The following MAF variants were observed in gnomAD, a reference collection of about 807,000 sequenced individuals.
The protein encoded by MAF is MAF bZIP transcription factor.
A neutral mutation model predicts 22.0 loss-of-function variants in MAF; 10 were observed. The observed-to-expected ratio is 0.45, with a 90% CI of 0.28 to 0.77. MAF has a LOEUF of 0.77. Among genes scored for constraint, MAF ranks in the 30% least tolerant of loss-of-function variants. MAF has a pLI of 0.12. For synonymous variants in MAF, 337 were observed against 255.8 expected (o/e 1.32, Z -3.03); for missense variants, 544 against 548.4 (o/e 0.99, Z 0.08).
the MAF span, among the ~76,000 whole-genome samples, chr16:79,374,659 A>G: frequency 6.6e-6 from 1 of 152,184 alleles, no homozygotes; most frequent in Non-Finnish European, 1.5e-5. Context: ...CCCAGGGGAG[A>G]CAGGTGCGTA....
chr16:79,586,817 T>A (rs116485613), intron 1 of MAF, among the ~76,000 whole-genome samples: 2,002 of 152,340 alleles, frequency 0.013, 43 homozygotes, highest in South Asian at 0.06. Context: ...TGTCAAAATA[T>A]ATTTAAAATC....
chr16:79,333,585 T>G, the MAF span, among the ~76,000 whole-genome samples: 1 of 152,220 alleles, frequency 6.6e-6, no homozygotes, highest in African/African-American at 2.4e-5. Flanking sequence ...AAAATTCTAT[T>G]AAAATTTGAT....
the MAF span, among the ~76,000 whole-genome samples, chr16:79,261,734 TGAG>T: frequency 3.3e-5 from 5 of 152,096 alleles, no homozygotes; most frequent in Admixed American, 2.0e-4. Flanking sequence ...GTTCAAAGAA[TGAG>T]AAGTTCCTGC....
At chr16:79,355,775 C>T in the MAF span, among the ~76,000 whole-genome samples, 1 of 152,156 alleles carries the variant, frequency 6.6e-6, no homozygotes, top group Non-Finnish European at 1.5e-5. Flanking sequence ...ACTCTCCCGG[C>T]CTCCACTAGC....
At chr16:79,571,530 A>ATTTTTTTTTTT in the MAF span, among the ~76,000 whole-genome samples, 10 of 103,882 alleles carry the variant, frequency 9.6e-5, no homozygotes, top group African/African-American at 3.7e-4. Context: ...TCTCAGCGGA[A>ATTTTTTTTTTT]TTTTTTTTTT....
the MAF span, among the ~76,000 whole-genome samples, chr16:79,278,199 A>G: frequency 2.0e-5 from 3 of 152,186 alleles, no homozygotes; most frequent in East Asian, 3.8e-4. Context: ...GAAATGGGAG[A>G]CCAGCTGACA....
the MAF span, among the ~76,000 whole-genome samples, chr16:79,246,840 C>G: frequency 1.1e-4 from 16 of 152,146 alleles, no homozygotes; most frequent in Non-Finnish European, 2.2e-4. Context: ...ATCCATCCAT[C>G]CATCCATCCA....
At chr16:79,387,986 G>C in the MAF span, among the ~76,000 whole-genome samples, 1 of 152,086 alleles carries the variant, frequency 6.6e-6, no homozygotes, top group East Asian at 1.9e-4. Context: ...CTTGTGAATG[G>C]GCAAAAACAC....
At chr16:79,411,273 G>C in the MAF span, among the ~76,000 whole-genome samples, 7 of 152,146 alleles carry the variant, frequency 4.6e-5, no homozygotes, top group African/African-American at 1.7e-4. Flanking sequence ...CAGGTGCTCA[G>C]TAAATAACCT....
At chr16:79,462,254 G>C in the MAF span, among the ~76,000 whole-genome samples, 2 of 152,154 alleles carry the variant, frequency 1.3e-5, no homozygotes, top group African/African-American at 4.8e-5. Context: ...CTTCCCACCA[G>C]TTCTATGAGG....
the MAF span, among the ~76,000 whole-genome samples, chr16:79,373,977 G>A: frequency 6.6e-6 from 1 of 152,156 alleles, no homozygotes; most frequent in Non-Finnish European, 1.5e-5. Flanking sequence ...CACAGCAAGA[G>A]AATTAGGTTA....
chr16:79,449,058 G>T, the MAF span, among the ~76,000 whole-genome samples: 1 of 152,140 alleles, frequency 6.6e-6, no homozygotes, highest in East Asian at 1.9e-4. Flanking sequence ...GGGGGTGATG[G>T]GAGACAGTGA....
chr16:79,515,116 A>G, the MAF span, among the ~76,000 whole-genome samples: 1 of 152,244 alleles, frequency 6.6e-6, no homozygotes, highest in Non-Finnish European at 1.5e-5. Context: ...ATCAAATGAG[A>G]TGACACAGGT....
At chr16:79,275,363 A>C in the MAF span, among the ~76,000 whole-genome samples, 3 of 152,202 alleles carry the variant, frequency 2.0e-5, no homozygotes, top group Non-Finnish European at 4.4e-5. Context: ...AGAGAATAAT[A>C]GTTAACTATT....
chr16:79,421,699 C>T, the MAF span, among the ~76,000 whole-genome samples: 1 of 150,732 alleles, frequency 6.6e-6, no homozygotes, highest in Non-Finnish European at 1.5e-5. Context: ...TGCAATGGCA[C>T]AATTGTTGGC....
the MAF span, among the ~76,000 whole-genome samples, chr16:79,381,783 T>C: frequency 3.9e-5 from 6 of 152,190 alleles, no homozygotes; most frequent in African/African-American, 1.4e-4. Flanking sequence ...AAGACGGAGG[T>C]TGCCTTGGAG....
the MAF span, among the ~76,000 whole-genome samples, chr16:79,325,045 T>G: frequency 6.6e-6 from 1 of 152,174 alleles, no homozygotes; most frequent in Non-Finnish European, 1.5e-5. Context: ...CCTTCTCTTA[T>G]AAAGACTGTT....
the MAF span, among the ~76,000 whole-genome samples, chr16:79,224,682 G>C: frequency 2.6e-5 from 4 of 152,210 alleles, no homozygotes; most frequent in East Asian, 7.7e-4. Context: ...CAAAATCCAT[G>C]TGCAAAAATC....
chr16:79,590,565 T>G (rs895254811), downstream of MAF, among the ~76,000 whole-genome samples: 1 of 152,090 alleles, frequency 6.6e-6, no homozygotes, highest in African/African-American at 2.4e-5. Context: ...GACACTGGGA[T>G]TGGACAGGAG....
Sources: gnomAD v4.1 joint callset for allele counts (sites outside exome capture counted in the v4.1 genomes callset) on GRCh38, gnomAD v4.1.1 for gene constraint, MANE v1.5 for transcripts, NCBI Gene and HGNC (gene_info 2026-07-23, HGNC 2026-07-21) for gene names.